Variants in ZNF536 observed in about 807,000 individuals in gnomAD.
The protein encoded by ZNF536 is zinc finger protein 536.
Under a neutral mutation model 84.5 loss-of-function variants are expected in ZNF536, and 13 were observed. That is an observed-to-expected ratio of 0.15 (90% CI 0.10 to 0.24). The LOEUF (loss-of-function observed/expected upper bound fraction) is 0.24, where lower values mean the gene tolerates loss of function less well. Among genes scored for constraint, ZNF536 ranks in the 10% least tolerant of loss-of-function variants. The pLI, the probability that ZNF536 is intolerant of heterozygous loss-of-function variation, is 1.00. For synonymous variants in ZNF536, 811 were observed against 742.5 expected, an observed-to-expected ratio of 1.09 and a Z score of -1.50; for missense variants, 1,536 against 1,747.5, an observed-to-expected ratio of 0.88 and a Z score of 2.16.
At chr19:30,590,929 G>A (rs928239570) in intron 1 of ZNF536, among the ~76,000 whole-genome samples, 5 of 152,254 alleles carry the variant, frequency 3.3e-5, no homozygotes, top group African/African-American at 7.2e-5. Context: ...AAGGGGCAAA[G>A]GGCACCTGCA....
At chr19:30,422,818 C>A (rs1309528293) in intron 1 of ZNF536, among the ~76,000 whole-genome samples, 5 of 134,598 alleles carry the variant, frequency 3.7e-5, no homozygotes, top group African/African-American at 8.1e-5. Flanking sequence ...TCCCTCCCTT[C>A]ATCTGCCTAT....
At chr19:30,377,378 A>G (rs1219658570) in intron 1 of ZNF536, among the ~76,000 whole-genome samples, 1 of 152,198 alleles carries the variant, frequency 6.6e-6, no homozygotes, top group Non-Finnish European at 1.5e-5. Flanking sequence ...TGTGGTCGCC[A>G]GAATGATGTT....
chr19:30,228,070 G>T (rs2022722105), upstream of ZNF536, among the ~76,000 whole-genome samples: 1 of 152,070 alleles, frequency 6.6e-6, no homozygotes, highest in Non-Finnish European at 1.5e-5. The surrounding 1 kb of genome is among the most constrained non-coding windows in gnomAD (Gnocchi z 4.5). Context: ...GTGCGTGTGT[G>T]TGTGTGGAAG....
At chr19:30,264,751 AG>A (rs2025412668) in intron 1 of ZNF536, among the ~76,000 whole-genome samples, 1 of 152,142 alleles carries the variant, frequency 6.6e-6, no homozygotes, top group South Asian at 2.1e-4. Context: ...GCAGCAGTGC[AG>A]CTGAGGGTCA....
intron 1 of ZNF536, among the ~76,000 whole-genome samples, chr19:30,572,733 T>A (rs546534397): frequency 6.6e-6 from 1 of 151,948 alleles, no homozygotes; most frequent in East Asian, 1.9e-4. Context: ...ATGAGTGATA[T>A]GAAGATGCTG....
At position 30,324,804 on chromosome 19, in the gene ZNF536, C is replaced by G. The variant is rs551063312; in HGVS notation, c.-119-27564C>G. 1.2e-4 allele frequency among the ~76,000 whole-genome samples: 18 copies of G among 152,290 alleles called. 2 individuals are homozygous for G. In the South Asian group the frequency reaches 3.7e-3, roughly 32 times the overall value. On this transcript the variant is annotated intron_variant, in intron 2 of 5. Coordinates refer to the ZNF536 transcript ENST00000585628. ...CATCCCTACCCCATGAAGTCAGAGC[C>G]GATCTCCCCTGATATTTATATACAT...
intron 1 of ZNF536, among the ~76,000 whole-genome samples, chr19:30,249,328 GA>G (rs2024470098): frequency 1.4e-5 from 2 of 141,970 alleles, no homozygotes; most frequent in East Asian, 4.6e-4. Context: ...ATATAAACAG[GA>G]AAAGAAGGAG....
chr19:30,473,624 A>G (rs2053730399), intron 2 of ZNF536, among the ~76,000 whole-genome samples: 1 of 152,188 alleles, frequency 6.6e-6, no homozygotes. Context: ...CCAGGCCTTT[A>G]CACATGCAAT....
At chr19:30,321,038 C>T (rs1021300956) in intron 2 of ZNF536, among the ~76,000 whole-genome samples, 2 of 152,326 alleles carry the variant, frequency 1.3e-5, no homozygotes, top group African/African-American at 4.8e-5. Context: ...TCACCATCTC[C>T]GTCCCTTGGG....
At chr19:30,362,276 AG>A (rs2146895528) in intron 3 of ZNF536, among the ~76,000 whole-genome samples, 2 of 152,094 alleles carry the variant, frequency 1.3e-5, no homozygotes, top group African/African-American at 4.8e-5. Context: ...CTAGTCCTCC[AG>A]GCAGAGGCGG....
At chr19:30,525,408 C>CTTG (rs1160723225) in intron 2 of ZNF536, among the ~76,000 whole-genome samples, 1 of 152,212 alleles carries the variant, frequency 6.6e-6, no homozygotes, top group Non-Finnish European at 1.5e-5. Context: ...TTCCAACTTG[C>CTTG]TTGCCTTCCC....
intron 2 of ZNF536, among the ~76,000 whole-genome samples, chr19:30,349,826 C>G (rs561762118): frequency 6.6e-6 from 1 of 152,110 alleles, no homozygotes; most frequent in African/African-American, 2.4e-5. Context: ...AAGGAGTCAA[C>G]CATGTAAATC....
chr19:30,358,803 A>G (rs1858544056), intron 3 of ZNF536, among the ~76,000 whole-genome samples: 1 of 152,172 alleles, frequency 6.6e-6, no homozygotes, highest in Admixed American at 6.5e-5. Context: ...GGGTCAGACC[A>G]TGAAAGTTTT....
chr19:30,674,242 G>A (rs568861356), intron 1 of ZNF536, among the ~76,000 whole-genome samples: 16 of 152,314 alleles, frequency 1.1e-4, no homozygotes, highest in African/African-American at 3.4e-4. Flanking sequence ...CTTAAGGCAC[G>A]TAGGCATCAC....
intron 1 of ZNF536, among the ~76,000 whole-genome samples, chr19:30,431,024 G>A (rs892920001): frequency 1.3e-5 from 2 of 152,278 alleles, no homozygotes; most frequent in South Asian, 4.2e-4. Context: ...AAGATGAACT[G>A]GAGGGTTATC....
chr19:30,246,039 G>A (rs1214696099), intron 1 of ZNF536, among the ~76,000 whole-genome samples: 2 of 152,196 alleles, frequency 1.3e-5, no homozygotes, highest in African/African-American at 2.4e-5. Flanking sequence ...CAGAGGCGTC[G>A]TGGAGACGAG....
intron 2 of ZNF536, among the ~76,000 whole-genome samples, chr19:30,327,045 T>C (rs1470394343): frequency 2.6e-5 from 4 of 152,004 alleles, no homozygotes; most frequent in African/African-American, 9.7e-5. Context: ...AGCCCAGCAA[T>C]AACTGGAGGC....
chr19:30,258,431 A>C (rs995433036), intron 1 of ZNF536, among the ~76,000 whole-genome samples: 1 of 152,180 alleles, frequency 6.6e-6, no homozygotes, highest in Admixed American at 6.5e-5. Flanking sequence ...TCTGGCAAAA[A>C]TTGTTCAATA....
At chr19:30,383,633 C>T (rs934799099) in intron 1 of ZNF536, among the ~76,000 whole-genome samples, 1 of 139,460 alleles carries the variant, frequency 7.2e-6, no homozygotes, top group Admixed American at 7.3e-5. Context: ...TTTCTTTCTT[C>T]CTTTCTTCCT....
Sources: allele counts gnomAD v4.1 joint callset (sites outside exome capture counted in the v4.1 genomes callset), GRCh38; gene constraint gnomAD v4.1.1; non-coding constraint Gnocchi (gnomAD v3.1); transcripts MANE v1.5; gene names NCBI Gene and HGNC (gene_info 2026-07-23, HGNC 2026-07-21).